The following CALR variants were observed in gnomAD, a reference collection of about 807,000 sequenced individuals.
CALR encodes CRP55.
In CALR, 15 loss-of-function variants were observed where a neutral mutation model predicts 51.1. That is an observed-to-expected ratio of 0.29 (90% CI 0.20 to 0.45). The LOEUF is 0.45. Among genes scored for constraint, CALR ranks in the 20% least tolerant of loss-of-function variants. The pLI, the probability that CALR is intolerant of heterozygous loss-of-function variation, is 1.00. For synonymous variants in CALR, 239 were observed against 205.9 expected, an observed-to-expected ratio of 1.16 and a Z score of -1.38; for missense variants, 477 against 530.6, an observed-to-expected ratio of 0.90 and a Z score of 0.99.
chr19:12,938,714 T>G lies in CALR; in HGVS notation c.35T>G (p.Leu12Arg). Reference sequence around the variant, plus strand: ...TCCGTGCCGCTGCTGCTCGGCCTCCTCGGCCTGGCCGTCGCCGAGCCTGCC... The same window carrying G: ...TCCGTGCCGCTGCTGCTCGGCCTCCGCGGCCTGGCCGTCGCCGAGCCTGCC... ...LLSVPLLLGL[L>R]GLAVAEPAVY... The change falls in exon 1 of 9, where the codon CTC (leucine) becomes CGC (arginine). Residue 12 changes from leucine to arginine, a missense_variant. Coordinates refer to ENST00000316448, the MANE Select transcript of CALR (RefSeq NM_004343.4). 1 of 1,611,554 alleles carries G rather than the reference T, an allele frequency of 6.2e-7. No individual in the cohort carries two copies. Among genetic ancestry groups the G allele is most frequent in the Non-Finnish European group, 8.5e-7 (1 of 1,179,478 alleles).
Position 12,939,532 on chromosome 19 carries a change from G to A in CALR, c.298G>A (p.Glu100Lys). The A allele has an allele frequency of 6.2e-7, 1 of 1,613,850 alleles. No individual in the cohort carries two copies. The highest frequency in any genetic ancestry group is 8.5e-7 in the Non-Finnish European group (1 of 1,180,038). The stretch of plus-strand genomic sequence containing the variant: ...GGTGGTGCAGTTCACGGTGAAACAT[G>A]AGCAGAACATCGACTGTGGGGGCGG... ...TLVVQFTVKH[E>K]QNIDCGGGYV... The change falls in exon 3 of 9, where the codon GAG becomes AAG. Residue 100 changes from glutamate to lysine, a missense_variant. Coordinates refer to ENST00000316448, the MANE Select transcript of CALR (RefSeq NM_004343.4).
Position 12,940,069 on chromosome 19 carries a change from C to T in CALR, c.414C>T (p.Gly138=), listed in dbSNP as rs760980417. 5.6e-6 allele frequency: 9 copies of T among 1,613,490 alleles called. No individual in the cohort carries two copies. Among genetic ancestry groups the T allele is most frequent in the South Asian group, 1.1e-5 (1 of 91,084 alleles). Residue 138 remains glycine (G), a synonymous_variant, in exon 4 of 9, where the codon GGC becomes GGT. Coordinates refer to ENST00000316448, the MANE Select transcript of CALR (RefSeq NM_004343.4). ...YNIMFGPDIC[G]PGTKKVHVIF... is the part of the protein sequence containing the mutation. The stretch of plus-strand genomic sequence containing the variant: ...CACACCTAGGTCCCGACATCTGTGG[C>T]CCTGGCACCAAGAAGGTTCATGTCA...
intron 1 of CALR, 27 bp from the exon 2 acceptor site, chr19:12,939,107 G>T: frequency 7.2e-7 from 1 of 1,394,212 alleles, no homozygotes; most frequent in South Asian, 1.2e-5. Flanking sequence ...CAGCCGCTCT[G>T]ACCTACCCCT....
rs1484120682 is a variant in CALR at position 12,940,993 on chromosome 19, A to AT, written c.960+107dup. The AT allele has an allele frequency of 1.2e-5, 13 of 1,072,674 alleles. No homozygotes were observed. The African/African-American group carries it at 2.0e-4, about 17-fold the overall frequency. 66.4% of individuals were successfully genotyped at this position (1,072,674 alleles called of 1,614,324 possible). On this transcript the variant is annotated intron_variant, in intron 7 of 8. Transcript: ENST00000316448. ...CACCCCAGGTGAGTCTGACTCAAAAATGGTACTTCTTGTAAACAGTACTTC... is the reference window on the plus strand; with the variant it reads ...CACCCCAGGTGAGTCTGACTCAAAAATTGGTACTTCTTGTAAACAGTACTTC...
Position 12,943,801 on chromosome 19 carries a change from A to C in CALR, c.1142A>C (p.Glu381Ala), listed in dbSNP as rs143880510. The C allele has an allele frequency of 1.2e-3, 1,947 of 1,589,628 alleles. 32 individuals carry two copies. The Admixed American group carries it at 0.025, about 21-fold the overall frequency. The change falls in exon 9 of 9, where the codon GAG becomes GCG. Residue 381 changes from glutamate to alanine, a missense_variant. Coordinates refer to ENST00000316448, the MANE Select transcript of CALR (RefSeq NM_004343.4). ...GACAAGAAACGCAAAGAGGAGGAGG[A>C]GGCAGAGGACAAGGAGGATGATGAG... ...EEDKKRKEEEEAEDKEDDEDK... is the reference protein window; with the variant it reads ...EEDKKRKEEEAAEDKEDDEDK...
chr19:12,938,999 C>A, intron 1 of CALR, 135 bp from the exon 2 acceptor site: 1 of 726,304 alleles, frequency 1.4e-6, no homozygotes, highest in Non-Finnish European at 2.5e-6. Flanking sequence ...CCCGACGTGT[C>A]AAACTAGAGG....
Position 12,939,242 on chromosome 19 carries a change from G to T in CALR, c.193+7G>T. On this transcript the variant is annotated splice_region_variant and intron_variant, in intron 2 of 8. Coordinates refer to ENST00000316448, the MANE Select transcript of CALR (RefSeq NM_004343.4). Reference sequence around the variant, plus strand: ...GACGAGGAGAAAGATAAAGGTAAGAGCCTAGGAGTGGGTGCTCAGATCCGG... The same window carrying T: ...GACGAGGAGAAAGATAAAGGTAAGATCCTAGGAGTGGGTGCTCAGATCCGG... 6.3e-7 allele frequency: 1 copy of T among 1,589,888 alleles called. No individual in the cohort carries two copies. The highest frequency in any genetic ancestry group is 8.6e-7 in the Non-Finnish European group (1 of 1,161,782).
rs1403202344 is a variant in CALR, at chr19:12,939,240, G to A, written c.193+5G>A. The A allele has an allele frequency of 6.3e-7, 1 of 1,594,850 alleles. No homozygotes were observed. The highest frequency in any genetic ancestry group is 8.6e-7 in the Non-Finnish European group (1 of 1,165,984). ...GTGACGAGGAGAAAGATAAAGGTAA[G>A]AGCCTAGGAGTGGGTGCTCAGATCC... On this transcript the variant is annotated splice_donor_5th_base_variant and intron_variant, in intron 2 of 8. Coordinates refer to ENST00000316448, the MANE Select transcript of CALR (RefSeq NM_004343.4).
At position 12,939,331 on chromosome 19, in the gene CALR, G is replaced by A. The variant is rs1317883442; in HGVS notation, c.193+96G>A. The A allele has an allele frequency of 4.1e-6, 6 of 1,453,416 alleles. No homozygotes were observed. In the African/African-American group the frequency reaches 4.2e-5, roughly 10 times the overall value. The allele number at this position is 1,453,416 out of a possible 1,614,324, so 90.0% of individuals were successfully genotyped here. On this transcript the variant is annotated intron_variant, in intron 2 of 8. Coordinates refer to ENST00000316448, the MANE Select transcript of CALR (RefSeq NM_004343.4). ...AGCCGGGACAGTCCCCTTGGAGGAGGACAGGTGGAGGAAGTGGGGGAGTCT... is the reference window on the plus strand; with the variant it reads ...AGCCGGGACAGTCCCCTTGGAGGAGAACAGGTGGAGGAAGTGGGGGAGTCT...
At chr19:12,943,383 C>G in intron 7 of CALR, 154 bp from the exon 8 acceptor site, 1 of 735,886 alleles carries the variant, frequency 1.4e-6, no homozygotes, top group Non-Finnish European at 2.4e-6. Flanking sequence ...CCTGGCCTCT[C>G]CATCTTTTTA....
intron 1 of CALR, 40 bp from the exon 2 acceptor site, chr19:12,939,094 G>A (rs1486764497): frequency 2.5e-6 from 3 of 1,212,894 alleles, no homozygotes; most frequent in African/African-American, 3.0e-5. Flanking sequence ...GGGGGGATTA[G>A]CACAGCCGCT....
rs747059522 is a variant in CALR at position 12,943,976 on chromosome 19, AAAT to A, written c.*67_*69del. ...CTCCTGCCGCAGAGCTGGCCGCGCC[AAAT>A]AATGTCTCTGTGAGACTCGAGAACT... On this transcript the variant is annotated 3_prime_UTR_variant, in exon 9 of 9. Transcript: ENST00000316448. The A allele has an allele frequency of 6.3e-7, 1 of 1,592,702 alleles. No homozygotes were observed. Among genetic ancestry groups the A allele is most frequent in the South Asian group, 1.1e-5 (1 of 87,516 alleles).
chr19:12,941,067 T>G (rs144091785), intron 7 of CALR, among the ~76,000 whole-genome samples, 180 bp downstream of exon 7: 2 of 152,330 alleles, frequency 1.3e-5, no homozygotes, highest in African/African-American at 4.8e-5. Flanking sequence ...AAGGTTATAC[T>G]TGCTGTGCAC....
At position 12,940,763 on chromosome 19, in the gene CALR, AGATCGACAACCCAG is replaced by A; in HGVS notation, c.837_850del (p.Ile280LeufsTer11). The A allele has an allele frequency of 6.2e-7, 1 of 1,614,188 alleles. No individual in the cohort carries two copies. The highest frequency in any genetic ancestry group is 8.5e-7 in the Non-Finnish European group (1 of 1,180,026). ...CTGCAGGGTGAGTGGAAGCCCCGGC[AGATCGACAACCCAG>A]ATTACAAGGGCACTTGGATCCACCC... is the stretch of plus-strand genomic sequence containing the variant. On this transcript the variant is annotated frameshift_variant, in exon 7 of 9. Transcript: ENST00000316448. LOFTEE classifies it high-confidence loss of function.
intron 3 of CALR, 98 bp downstream of exon 3, chr19:12,939,729 A>T: frequency 9.7e-7 from 1 of 1,028,330 alleles, no homozygotes; most frequent in South Asian, 1.3e-5. Flanking sequence ...TTGGAAGGGG[A>T]GCTAAAAGAA....
In CALR at chr19:12,939,610, TCAGAATACA is replaced by T. The variant is rs779450694; in HGVS notation, c.377_385del (p.Ser126_Asn129delinsTyr). The T allele has an allele frequency of 6.2e-7, 1 of 1,613,998 alleles. No individual in the cohort carries two copies. ...GGACCAGACAGACATGCACGGAGAC[TCAGAATACA>T]ACATCATGTTTGGTGAGGGCCTGCT... is the stretch of plus-strand genomic sequence containing the variant. On this transcript the variant is annotated inframe_deletion, in exon 3 of 9. Coordinates refer to ENST00000316448, the MANE Select transcript of CALR (RefSeq NM_004343.4).
rs765976100 is a variant in CALR at position 12,939,171 on chromosome 19, G to A, written c.129G>A (p.Lys43=). 2 of 1,611,886 alleles carry A rather than the reference G, an allele frequency of 1.2e-6. No homozygotes were observed. The highest frequency in any genetic ancestry group is 1.1e-5 in the South Asian group (1 of 90,524). ...CCCGCTGGATCGAATCCAAACACAA[G>A]TCAGATTTTGGCAAATTCGTTCTCA... ...WTSRWIESKH[K]SDFGKFVLSS... is the part of the protein sequence containing the mutation. Residue 43 remains lysine, a synonymous_variant, in exon 2 of 9, where the codon AAG becomes AAA. Transcript: ENST00000316448.
rs764355856 is a variant in CALR, at chr19:12,943,942, G to A, written c.*29G>A. 2 of 1,603,748 alleles carry A rather than the reference G, an allele frequency of 1.2e-6. No individual in the cohort carries two copies. Among genetic ancestry groups the A allele is most frequent in the Admixed American group, 3.4e-5 (2 of 58,914 alleles). ...GGCCTGCCTCCAGGGCTGGACTGAGGCCTGAGCGCTCCTGCCGCAGAGCTG... is the reference window on the plus strand; with the variant it reads ...GGCCTGCCTCCAGGGCTGGACTGAGACCTGAGCGCTCCTGCCGCAGAGCTG... On this transcript the variant is annotated 3_prime_UTR_variant, in exon 9 of 9. Transcript: ENST00000316448.
intron 6 of CALR, 23 bp downstream of exon 6, chr19:12,940,677 G>A (rs767611655): frequency 1.2e-6 from 2 of 1,613,866 alleles, no homozygotes; most frequent in Non-Finnish European, 1.7e-6. Context: ...CTCTGAGCAG[G>A]GCTGGGGCTC....
Sources: allele counts gnomAD v4.1 joint callset (sites outside exome capture counted in the v4.1 genomes callset), GRCh38; gene constraint gnomAD v4.1.1; transcripts MANE v1.5; gene names NCBI Gene and HGNC (gene_info 2026-07-23, HGNC 2026-07-21).